The following LMTK2 variants were observed in gnomAD, a reference collection of about 807,000 sequenced individuals.
The protein encoded by LMTK2 is lemur tail kinase 2, also known as serine/threonine-protein kinase LMTK2.
LMTK2 carries 37 observed loss-of-function variants against 127.5 expected under a neutral mutation model. The ratio of observed to expected loss-of-function variants is 0.29; its 90% confidence interval spans 0.22 to 0.38. The LOEUF (loss-of-function observed/expected upper bound fraction) is 0.38, where lower values mean the gene tolerates loss of function less well. Among genes scored for constraint, LMTK2 ranks in the 10% least tolerant of loss-of-function variants. The probability of loss-of-function intolerance (pLI) is 1.00; values close to 1 mark genes in which losing one functional copy is unlikely to be tolerated. For synonymous variants in LMTK2, 819 were observed against 810.1 expected (o/e 1.01, Z -0.19); for missense variants, 1,694 against 1,920.3 (o/e 0.88, Z 2.20).
In LMTK2 at chr7:98,194,156, A is replaced by G; in HGVS notation, c.3691A>G (p.Asn1231Asp). Residue 1231 changes from asparagine (N) to aspartate (D), a missense_variant, in exon 11 of 14, where the codon AAC becomes GAC. Physicochemically the swap from Asn to Asp is conservative, Grantham distance 23. Coordinates refer to ENST00000297293, the MANE Select transcript of LMTK2 (RefSeq NM_014916.4). The surrounding 1 kb of genome is among the most constrained non-coding windows in gnomAD (Gnocchi z 5.4). ...CTGCACCCTCGCTTCCACGGGGACC[A>G]ACACGAACGAACTCCTTGCCTACAC... ...RPCTLASTGT[N>D]TNELLAYTNS... 1 of 1,614,008 alleles carries G rather than the reference A, an allele frequency of 6.2e-7. No homozygotes were observed. The highest frequency in any genetic ancestry group is 8.5e-7 in the Non-Finnish European group (1 of 1,180,022).
intron 1 of LMTK2, 120 bp from the exon 2 acceptor site, chr7:98,137,195 T>A (rs1418276306): frequency 1.6e-5 from 14 of 879,788 alleles, no homozygotes; most frequent in Non-Finnish European, 2.0e-5. Context: ...CAGCTTTTTC[T>A]CGAGCATTAT....
intron 2 of LMTK2, among the ~76,000 whole-genome samples, chr7:98,140,340 CAG>C (rs1458414726): frequency 2.0e-5 from 3 of 151,666 alleles, no homozygotes; most frequent in Admixed American, 6.6e-5. Context: ...TTTGTAGAAA[CAG>C]GGTCTTGCCA....
chr7:98,120,870 ACTCT>A (rs1016246116), intron 1 of LMTK2, among the ~76,000 whole-genome samples: 6 of 152,040 alleles, frequency 3.9e-5, no homozygotes, highest in African/African-American at 1.4e-4. Context: ...CCCTGGGAAC[ACTCT>A]CCCAGAGGCC....
rs929595718 is a variant in LMTK2, at chr7:98,206,439, C to T, written c.*947C>T. 2.6e-5 allele frequency: 4 copies of T among 152,266 alleles called. No homozygotes were observed. Among genetic ancestry groups the T allele is most frequent in the Non-Finnish European group, 4.4e-5 (3 of 68,064 alleles). The allele number at this position is 152,266 out of a possible 1,614,324, so 9.4% of individuals were successfully genotyped here. On this transcript the variant is annotated 3_prime_UTR_variant, in exon 14 of 14. Coordinates refer to ENST00000297293, the MANE Select transcript of LMTK2 (RefSeq NM_014916.4). ...AAACCAACAGGTTGTGGCCGCAGAC[C>T]TCAGATGGACCCGGCCCATCCCTGG...
At position 98,181,024 on chromosome 7, in the gene LMTK2, G is replaced by A. The variant is rs553208249; in HGVS notation, c.792-4027G>A. 2.1e-4 allele frequency among the ~76,000 whole-genome samples: 32 copies of A among 152,216 alleles called. No individual in the cohort carries two copies. The South Asian group carries it at 6.0e-3, about 29-fold the overall frequency. Reference sequence around the variant, plus strand: ...GAGCCCTTCTGCGGAGCCCTTCTGCGCCACAGTGATATCAGTATCAAGATA... The same window carrying A: ...GAGCCCTTCTGCGGAGCCCTTCTGCACCACAGTGATATCAGTATCAAGATA... On this transcript the variant is annotated intron_variant, in intron 7 of 13. Transcript: ENST00000297293.
chr7:98,128,641 G>A (rs959962022), intron 1 of LMTK2, among the ~76,000 whole-genome samples: 1 of 152,204 alleles, frequency 6.6e-6, no homozygotes, highest in African/African-American at 2.4e-5. Context: ...CGTTGGCATA[G>A]AGGTCCGAGG....
In LMTK2 at chr7:98,141,427, G is replaced by C. The variant is rs1213590743; in HGVS notation, c.262G>C (p.Asp88His). The C allele has an allele frequency of 6.2e-7, 1 of 1,613,682 alleles. No homozygotes were observed. The highest frequency in any genetic ancestry group is 8.5e-7 in the Non-Finnish European group (1 of 1,179,736). ...EFEDNFDDEI[D>H]FTPPAEDTPS... ...TGAAGATAATTTTGATGATGAGATA[G>C]ATTTCACACCACCAGCAGAAGACAC... Residue 88 changes from aspartate to histidine, a missense_variant, in exon 3 of 14, where the codon GAT (aspartate) becomes CAT (histidine). Physicochemically the swap from Asp to His is moderately conservative, Grantham distance 81 (BLOSUM62 -1). Around this residue, in one of 8 missense-constraint regions of LMTK2, gnomAD observed 203 missense variants for 226.2 expected, o/e 0.90. Coordinates refer to ENST00000297293, the MANE Select transcript of LMTK2 (RefSeq NM_014916.4).
intron 7 of LMTK2, among the ~76,000 whole-genome samples, chr7:98,172,368 G>A (rs1192205479): frequency 1.1e-4 from 17 of 147,958 alleles, no homozygotes; most frequent in African/African-American, 3.8e-4. Context: ...GCAGTGGCAC[G>A]TTCTCGGCTC....
intron 11 of LMTK2, among the ~76,000 whole-genome samples, chr7:98,202,845 C>T (rs1162858296): frequency 6.6e-6 from 1 of 152,250 alleles, no homozygotes; most frequent in Non-Finnish European, 1.5e-5. Context: ...GTCCCTGATA[C>T]TTGCAGTTCT....
chr7:98,194,652 G>A lies in LMTK2; in HGVS notation c.4107+80G>A, dbSNP rs1458542707. ...TGTGCTAGGAAATTGAGTGTGGTCT[G>A]TTTTCTAGTTGCCATTTTGAGGCAG... On this transcript the variant is annotated intron_variant, in intron 11 of 13. Transcript: ENST00000297293. This position sits in a 1 kb window ranked among gnomAD's most constrained non-coding sequence, Gnocchi z 5.4. The A allele has an allele frequency of 1.2e-5, 16 of 1,305,844 alleles. No homozygotes were observed. Among genetic ancestry groups the A allele is most frequent in the Non-Finnish European group, 1.0e-6 (1 of 970,222 alleles). The allele number at this position is 1,305,844 out of a possible 1,614,324, so 80.9% of individuals were successfully genotyped here.
chr7:98,200,115 T>C (rs187379764), intron 11 of LMTK2, among the ~76,000 whole-genome samples: 1 of 152,342 alleles, frequency 6.6e-6, no homozygotes, highest in Admixed American at 6.5e-5. Context: ...TTGCGTAGTT[T>C]TTGTAGTGGT....
intron 7 of LMTK2, among the ~76,000 whole-genome samples, chr7:98,174,104 T>TAAAAAAA (rs11351887): frequency 8.5e-6 from 1 of 117,896 alleles, no homozygotes; most frequent in Non-Finnish European, 1.7e-5. Flanking sequence ...CATTTTGTTG[T>TAAAAAAA]AAAAAAAAAA....
At chr7:98,132,256 C>CTT (rs60476028) in intron 1 of LMTK2, among the ~76,000 whole-genome samples, 3 of 147,876 alleles carry the variant, frequency 2.0e-5, no homozygotes, top group Non-Finnish European at 1.5e-5. Flanking sequence ...AGTGAACCAA[C>CTT]TTTTTTTTTT....
Position 98,193,960 on chromosome 7 carries a change from G to C in LMTK2, c.3495G>C (p.Leu1165=), listed in dbSNP as rs1019453986. Residue 1165 remains leucine, a synonymous_variant, in exon 11 of 14, where the codon CTG becomes CTC. Coordinates refer to ENST00000297293, the MANE Select transcript of LMTK2 (RefSeq NM_014916.4). This position sits in a 1 kb window ranked among gnomAD's most constrained non-coding sequence, Gnocchi z 4.1. ...ARKSQPDESC[L]SALHNSSDLE... is the part of the protein sequence containing the mutation. ...AGAGCCAGCCAGATGAAAGTTGTCT[G>C]TCTGCTTTGCACAACTCCAGTGACC... is the stretch of plus-strand genomic sequence containing the variant. 4 of 1,614,126 alleles carry C rather than the reference G, an allele frequency of 2.5e-6. No individual in the cohort carries two copies. The highest frequency in any genetic ancestry group is 3.4e-6 in the Non-Finnish European group (4 of 1,180,050).
chr7:98,151,296 C>T (rs545229989), intron 3 of LMTK2, 86 bp from the exon 4 acceptor site: 2 of 832,048 alleles, frequency 2.4e-6, no homozygotes, highest in Non-Finnish European at 3.7e-6. Flanking sequence ...TTTGCACAAG[C>T]CTTTATGTTA....
chr7:98,140,148 T>TTTC (rs1266257971), intron 2 of LMTK2, among the ~76,000 whole-genome samples: 8 of 5,866 alleles, frequency 1.4e-3, no homozygotes, highest in African/African-American at 3.4e-3. Flanking sequence ...CTTTCTTTTC[T>TTTC]TTTCTTTTCT....
At chr7:98,173,408 A>G (rs113688565) in intron 7 of LMTK2, among the ~76,000 whole-genome samples, 1 of 152,140 alleles carries the variant, frequency 6.6e-6, no homozygotes, top group African/African-American at 2.4e-5. Context: ...GAGAAAGCCT[A>G]CATTTAGCTT....
intron 4 of LMTK2, among the ~76,000 whole-genome samples, chr7:98,153,322 G>A (rs748364496): frequency 6.6e-6 from 1 of 152,188 alleles, no homozygotes; most frequent in Non-Finnish European, 1.5e-5. Flanking sequence ...TCAGGGAGAA[G>A]CAGTGAGGAG....
chr7:98,155,486 T>C (rs768888546), intron 5 of LMTK2, among the ~76,000 whole-genome samples: 1 of 152,144 alleles, frequency 6.6e-6, no homozygotes, highest in Non-Finnish European at 1.5e-5. Flanking sequence ...AGGAAATCCA[T>C]GCCAAGACAC....
Sources: allele counts gnomAD v4.1 joint callset (sites outside exome capture counted in the v4.1 genomes callset), GRCh38; gene constraint gnomAD v4.1.1; regional missense constraint gnomAD v4.1.1; non-coding constraint Gnocchi (gnomAD v3.1); transcripts MANE v1.5; gene names NCBI Gene and HGNC (gene_info 2026-07-23, HGNC 2026-07-21).